PRR27: variants seen among roughly 807,000 people sequenced by gnomAD.
The protein encoded by PRR27 is proline rich 27.
A neutral mutation model predicts 16.8 loss-of-function variants in PRR27; 12 were observed. The observed-to-expected ratio is 0.71, with a 90% CI of 0.46 to 1.16. The LOEUF (loss-of-function observed/expected upper bound fraction) is 1.16. PRR27 is among the 50% of genes most tolerant of loss of function. The probability of loss-of-function intolerance (pLI) is 0.00; values close to 1 mark genes in which losing one functional copy is unlikely to be tolerated. For synonymous variants in PRR27, 100 were observed against 98.4 expected (o/e 1.02, Z -0.10); for missense variants, 277 against 273.3 (o/e 1.01, Z -0.10).
chr4:70,160,443 C>CTCTCTGTGTGTGTGTGTGTGTG (rs1298386504), intron 3 of PRR27, among the ~76,000 whole-genome samples: 27 of 68,698 alleles, frequency 3.9e-4, no homozygotes, highest in East Asian at 5.5e-4. Context: ...CTCTCTCTCT[C>CTCTCTGTGTGTGTGTGTGTGTG]TGTGTGTGTG....
Position 70,165,217 on chromosome 4 carries a change from C to T in PRR27, c.*2556C>T, listed in dbSNP as rs1728737984. ...TCCAAACCAGAAGATTGGGAACTTC[C>T]TCAATTACTTTGTCTTCCATTTATT... On this transcript the variant is annotated 3_prime_UTR_variant, in exon 5 of 5. Transcript: ENST00000344526. 1 of 152,050 alleles carries T rather than the reference C, an allele frequency of 6.6e-6. No homozygotes were observed. Among genetic ancestry groups the T allele is most frequent in the African/African-American group, 2.4e-5 (1 of 41,436 alleles). The allele number at this position is 152,050 out of a possible 1,614,324, so 9.4% of individuals were successfully genotyped here. A position where few individuals can be genotyped will look rare whatever the true frequency, so the allele number is the denominator to read the frequency against.
rs1728538768 is a variant in PRR27, at chr4:70,158,311, CT to C, written c.76-14del. 2 of 1,558,066 alleles carry C rather than the reference CT, an allele frequency of 1.3e-6. No homozygotes were observed. The highest frequency in any genetic ancestry group is 2.3e-5 in the East Asian group (1 of 44,184). On this transcript the variant is annotated splice_polypyrimidine_tract_variant and intron_variant, in intron 2 of 4. Transcript: ENST00000344526. Reference sequence around the variant, plus strand: ...GGACAAATACAATCAACTTCGACTTCTTTGTTTCTCCTTTAGGATGACAATG... The same window carrying C: ...GGACAAATACAATCAACTTCGACTTCTTGTTTCTCCTTTAGGATGACAATG...
At position 70,158,600 on chromosome 4, in the gene PRR27, G is replaced by A. The variant is rs148239542; in HGVS notation, c.348G>A (p.Arg116=). The part of the protein sequence containing the change: ...PRGFPFVPPS[R]FFSAAAAPAA... ...GTTTCCCGTTTGTCCCTCCTTCAAG[G>A]TTTTTTTCAGCAGCTGCAGCACCCG... The change falls in exon 3 of 5, where the codon AGG becomes AGA. Residue 116 remains arginine (R), a synonymous_variant. Coordinates refer to ENST00000344526, the MANE Select transcript of PRR27 (RefSeq NM_214711.4). 2 of 1,613,976 alleles carry A rather than the reference G, an allele frequency of 1.2e-6. No individual in the cohort carries two copies. Among genetic ancestry groups the A allele is most frequent in the Admixed American group, 1.7e-5 (1 of 60,018 alleles).
intron 2 of PRR27, 24 bp from the exon 3 acceptor site, chr4:70,158,304 T>C: frequency 6.9e-7 from 1 of 1,441,780 alleles, no homozygotes; most frequent in Non-Finnish European, 9.6e-7. Flanking sequence ...ACAATCAACT[T>C]CGACTTCTTT....
At chr4:70,160,570 T>C (rs992021490) in intron 3 of PRR27, among the ~76,000 whole-genome samples, 10 of 151,992 alleles carry the variant, frequency 6.6e-5, no homozygotes, top group Admixed American at 1.3e-4. Flanking sequence ...TAGTGATTAC[T>C]ATTTTACACA....
chr4:70,161,203 T>C (rs1578221936), intron 3 of PRR27, among the ~76,000 whole-genome samples: 4 of 38,096 alleles, frequency 1.0e-4, no homozygotes, highest in Admixed American at 2.6e-4. Context: ...TATATACACG[T>C]ATACATATAT....
chr4:70,157,663 C>T (rs1388852403), intron 2 of PRR27, among the ~76,000 whole-genome samples: 2 of 151,924 alleles, frequency 1.3e-5, no homozygotes, highest in Non-Finnish European at 2.9e-5. Flanking sequence ...GGACTACAGG[C>T]GCCCGCCACC....
At chr4:70,155,515 C>T (rs1332942569) in intron 1 of PRR27, among the ~76,000 whole-genome samples, 1 of 152,056 alleles carries the variant, frequency 6.6e-6, no homozygotes, top group Admixed American at 6.6e-5. Flanking sequence ...ACTACAGGCG[C>T]CCGCCACCAC....
At position 70,155,987 on chromosome 4, in the gene PRR27, A is replaced by G. The variant is rs534840856; in HGVS notation, c.52-67A>G. The G allele has an allele frequency of 7.9e-6, 8 of 1,012,976 alleles. No individual in the cohort carries two copies. In the Admixed American group the frequency reaches 2.1e-4, roughly 26 times the overall value. The allele number at this position is 1,012,976 out of a possible 1,614,324, so 62.7% of individuals were successfully genotyped here. A position where few individuals can be genotyped will look rare whatever the true frequency, so the allele number is the denominator to read the frequency against. On this transcript the variant is annotated intron_variant, in intron 1 of 4. Transcript: ENST00000344526. ...TAAGCTTTGCAAATTTTTCAGCAAT[A>G]TGGAAATGTAGGTGCAGATGTTTTC...
chr4:70,165,790 T>C lies in PRR27; in HGVS notation c.*3129T>C, dbSNP rs1374300320. 6.6e-6 allele frequency: 1 copy of C among 152,128 alleles called. No individual in the cohort carries two copies. Among genetic ancestry groups the C allele is most frequent in the Non-Finnish European group, 1.5e-5 (1 of 67,968 alleles). 9.4% of individuals were successfully genotyped at this position (152,128 alleles called of 1,614,324 possible). On this transcript the variant is annotated 3_prime_UTR_variant, in exon 5 of 5. Transcript: ENST00000344526. ...CTGATTCTTATTCAGTGCTACTTTCTACAGACAGGTAACTATTCGCATTTA... is the reference window on the plus strand; with the variant it reads ...CTGATTCTTATTCAGTGCTACTTTCCACAGACAGGTAACTATTCGCATTTA...
intron 1 of PRR27, among the ~76,000 whole-genome samples, chr4:70,155,815 A>G (rs1335058585): frequency 6.6e-6 from 1 of 152,184 alleles, no homozygotes; most frequent in East Asian, 1.9e-4. Flanking sequence ...TACATGTTGA[A>G]TATTACAAAC....
chr4:70,155,787 A>G (rs1389391996), intron 1 of PRR27, among the ~76,000 whole-genome samples: 1 of 152,178 alleles, frequency 6.6e-6, no homozygotes, highest in East Asian at 1.9e-4. Flanking sequence ...ATGATCTTTC[A>G]GATGATAAAG....
At chr4:70,159,903 T>TAGTACCAATTGTG (rs897597539) in intron 3 of PRR27, among the ~76,000 whole-genome samples, 11 of 152,224 alleles carry the variant, frequency 7.2e-5, no homozygotes, top group African/African-American at 2.7e-4. Context: ...TTTCCTGCCC[T>TAGTACCAATTGTG]AGTACCAATT....
rs576942982 is a variant in PRR27, at chr4:70,158,705, G to A, written c.453G>A (p.Gly151=). Residue 151 remains glycine, a synonymous_variant, in exon 3 of 5, where the codon GGG becomes GGA. Transcript: ENST00000344526. ...CTGTAGCAGCTGAGCCTGCTGCAGG[G>A]GCCCCTGTTGCAGCTGAGCCTGCTG... The part of the protein sequence containing the change: ...ATPVAAEPAA[G]APVAAEPAAE... 1.9e-6 allele frequency: 3 copies of A among 1,612,880 alleles called. No homozygotes were observed. In the South Asian group the frequency reaches 3.3e-5, roughly 18 times the overall value.
chr4:70,154,271 A>G lies in PRR27; in HGVS notation c.-105A>G. On this transcript the variant is annotated 5_prime_UTR_variant, in exon 1 of 5. Transcript: ENST00000344526. ...CCTAGACAGACTAAAAAAGCCATGT[A>G]TTCTTTCGTTTCTCTCTAAAAGAAG... The G allele has an allele frequency of 6.3e-6, 6 of 959,870 alleles. No individual in the cohort carries two copies. The highest frequency in any genetic ancestry group is 9.6e-6 in the Non-Finnish European group (6 of 627,450). The allele number at this position is 959,870 out of a possible 1,614,324, so 59.5% of individuals were successfully genotyped here.
rs1157930868 is a variant in PRR27 at position 70,158,622 on chromosome 4, C to T, written c.370C>T (p.Pro124Ser). 6.2e-7 allele frequency: 1 copy of T among 1,613,998 alleles called. No individual in the cohort carries two copies. Among genetic ancestry groups the T allele is most frequent in the Non-Finnish European group, 8.5e-7 (1 of 1,179,996 alleles). Residue 124 changes from proline (P) to serine (S), a missense_variant, in exon 3 of 5, where the codon CCC (proline) becomes TCC (serine). Coordinates refer to ENST00000344526, the MANE Select transcript of PRR27 (RefSeq NM_214711.4). ...PSRFFSAAAA[P>S]AAPPIAAEPA... ...AAGGTTTTTTTCAGCAGCTGCAGCA[C>T]CCGCTGCCCCACCTATTGCAGCTGA...
intron 3 of PRR27, among the ~76,000 whole-genome samples, chr4:70,159,941 T>A (rs1199368382): frequency 6.6e-6 from 1 of 152,138 alleles, no homozygotes; most frequent in Admixed American, 6.5e-5. Flanking sequence ...TTCTATTCTG[T>A]CCTTTCAGGT....
chr4:70,159,138 C>G (rs187431150), intron 3 of PRR27, among the ~76,000 whole-genome samples: 19 of 152,272 alleles, frequency 1.2e-4, no homozygotes, highest in African/African-American at 3.4e-4. Flanking sequence ...CTACTACAGT[C>G]AAAAGTTTCC....
chr4:70,157,835 C>T (rs1473998042), intron 2 of PRR27, among the ~76,000 whole-genome samples: 2 of 152,086 alleles, frequency 1.3e-5, no homozygotes, highest in African/African-American at 4.8e-5. Context: ...GGAAGGGAAG[C>T]ATTGATAAAG....
Sources: gnomAD v4.1 joint callset for allele counts (sites outside exome capture counted in the v4.1 genomes callset) on GRCh38, gnomAD v4.1.1 for gene constraint, MANE v1.5 for transcripts, NCBI Gene and HGNC (gene_info 2026-07-23, HGNC 2026-07-21) for gene names.